Variants in PGBD5 observed in about 807,000 individuals in gnomAD.
PGBD5 encodes the protein piggyBac transposable element-derived protein 5.
In PGBD5, 14 loss-of-function variants were observed where a neutral mutation model predicts 47.9. That is an observed-to-expected ratio of 0.29 (90% CI 0.19 to 0.46). The LOEUF is 0.46. PGBD5 is among the 20% of genes least tolerant of loss of function. The pLI, the probability that PGBD5 is intolerant of heterozygous loss-of-function variation, is 1.00. For synonymous variants in PGBD5, 316 were observed against 306.3 expected, an observed-to-expected ratio of 1.03 and a Z score of -0.33; for missense variants, 635 against 716.0, an observed-to-expected ratio of 0.89 and a Z score of 1.29.
At chr1:230,363,993 T>C (rs1233638156) in intron 1 of PGBD5, among the ~76,000 whole-genome samples, 2 of 152,206 alleles carry the variant, frequency 1.3e-5, no homozygotes, top group Non-Finnish European at 2.9e-5. Flanking sequence ...CCTTCCCCCT[T>C]GTGGCTGAGA....
chr1:230,350,412 G>A (rs1295992142), intron 3 of PGBD5, among the ~76,000 whole-genome samples: 1 of 152,214 alleles, frequency 6.6e-6, no homozygotes, highest in East Asian at 1.9e-4. Context: ...CTGGCTCCAA[G>A]GTCCTATGAC....
intron 1 of PGBD5, among the ~76,000 whole-genome samples, chr1:230,402,452 G>T (rs554187915): frequency 5.3e-5 from 8 of 152,338 alleles, no homozygotes; most frequent in Non-Finnish European, 8.8e-5. Context: ...TATAGACAGG[G>T]TCTTGCTCTG....
chr1:230,334,119 A>G (rs916994292), intron 4 of PGBD5, among the ~76,000 whole-genome samples: 4 of 152,230 alleles, frequency 2.6e-5, no homozygotes, highest in East Asian at 1.9e-4. Context: ...GCACTGGAAG[A>G]AGGACAGTTG....
chr1:230,353,951 A>G (rs1175176908), intron 2 of PGBD5, among the ~76,000 whole-genome samples: 1 of 152,218 alleles, frequency 6.6e-6, no homozygotes, highest in Non-Finnish European at 1.5e-5. Flanking sequence ...GCATAAATGC[A>G]GGAGCCGAGC....
chr1:230,353,869 C>T (rs998553742), intron 2 of PGBD5, among the ~76,000 whole-genome samples: 1 of 152,240 alleles, frequency 6.6e-6, no homozygotes, highest in South Asian at 2.1e-4. Context: ...TTAGAGCCTC[C>T]AGCTTCTCCA....
intron 1 of PGBD5, among the ~76,000 whole-genome samples, chr1:230,379,791 C>T (rs944792098): frequency 2.6e-5 from 4 of 152,386 alleles, no homozygotes; most frequent in Middle Eastern, 3.4e-3. Context: ...CTCTACAGTG[C>T]GAGGTGCTTT....
rs145633144 is a variant in PGBD5, at chr1:230,423,712, T to C, written c.331+1886A>G. Among the ~76,000 whole-genome samples, 1,230 of 152,184 alleles carry C rather than the reference T, an allele frequency of 8.1e-3. 17 individuals are homozygous for C. The highest frequency in any genetic ancestry group is 0.029 in the African/African-American group (1,186 of 41,504). ...CAAAGAGGAAATTCTAAATCAGATG[T>C]GGAGTTAAAAGGCAAGCTCCCACAC... On this transcript the variant is annotated intron_variant, in intron 1 of 6. Transcript: ENST00000391860.
chr1:230,413,790 G>A (rs1322651367), intron 1 of PGBD5, among the ~76,000 whole-genome samples: 5 of 152,100 alleles, frequency 3.3e-5, no homozygotes, highest in Non-Finnish European at 7.4e-5. Flanking sequence ...ACTATCTGTG[G>A]ATCGGCCGTT....
rs1325583591 is a variant in PGBD5 at position 230,332,955 on chromosome 1, G to A, written c.1162C>T (p.Pro388Ser). The A allele has an allele frequency of 3.1e-6, 5 of 1,614,178 alleles. No homozygotes were observed. The highest frequency in any genetic ancestry group is 1.1e-5 in the South Asian group (1 of 91,080). The change falls in exon 5 of 7, where the codon CCG becomes TCG. Residue 388 changes from proline (P) to serine (S), a missense_variant. Coordinates refer to ENST00000391860, the MANE Select transcript of PGBD5 (RefSeq NM_001258311.2). ...TTGATTTGGTACTGGCCCCGGGCCG[G>A]GGGTGTGGCTGGGTTGGTCAGCATG... ...LSMLTNPATP[P>S]ARGQYQIKMK...
chr1:230,325,698 A>T (rs1667105188), intron 5 of PGBD5, among the ~76,000 whole-genome samples: 1 of 152,068 alleles, frequency 6.6e-6, no homozygotes, highest in African/African-American at 2.4e-5. Context: ...GCAGGCCTGA[A>T]GGGGCTCTAA....
At chr1:230,412,387 CTTTTTTT>C (rs34303231) in intron 1 of PGBD5, among the ~76,000 whole-genome samples, 1 of 127,670 alleles carries the variant, frequency 7.8e-6, no homozygotes, top group Admixed American at 8.2e-5. Flanking sequence ...ATCCTAAAGT[CTTTTTTT>C]TTTTTTTTTT....
intron 1 of PGBD5, among the ~76,000 whole-genome samples, chr1:230,358,661 T>G (rs1190768483): frequency 6.6e-6 from 1 of 152,108 alleles, no homozygotes; most frequent in Non-Finnish European, 1.5e-5. Flanking sequence ...ATTATAACAC[T>G]GTATTTTTCC....
chr1:230,417,013 G>T (rs1425728658), intron 1 of PGBD5, among the ~76,000 whole-genome samples: 1 of 152,180 alleles, frequency 6.6e-6, no homozygotes, highest in East Asian at 1.9e-4. Flanking sequence ...AGGATTTGTA[G>T]TTCTAAACTT....
At chr1:230,390,499 C>T (rs1342351061) in intron 1 of PGBD5, among the ~76,000 whole-genome samples, 1 of 152,150 alleles carries the variant, frequency 6.6e-6, no homozygotes, top group Non-Finnish European at 1.5e-5. Flanking sequence ...AGTTGTGTTA[C>T]TGGTGGGCTT....
intron 3 of PGBD5, among the ~76,000 whole-genome samples, chr1:230,342,468 A>G (rs1667419973): frequency 6.6e-6 from 1 of 152,254 alleles, no homozygotes; most frequent in African/African-American, 2.4e-5. Flanking sequence ...ACAGCACAGC[A>G]GTGCACGATC....
intron 1 of PGBD5, among the ~76,000 whole-genome samples, chr1:230,404,925 C>CAA (rs57462323): frequency 0.2 from 13,377 of 65,810 alleles, 1,131 homozygotes; most frequent in Admixed American, 0.37. Flanking sequence ...AACTCCATCT[C>CAA]AAAAAAAAAA....
chr1:230,341,066 C>T (rs1325987836), intron 3 of PGBD5, among the ~76,000 whole-genome samples: 1 of 152,206 alleles, frequency 6.6e-6, no homozygotes, highest in Non-Finnish European at 1.5e-5. Context: ...AAGAAGGATG[C>T]AGCCAAGAAG....
chr1:230,340,365 A>G (rs1377720557), intron 3 of PGBD5, among the ~76,000 whole-genome samples: 1 of 152,194 alleles, frequency 6.6e-6, no homozygotes, highest in Non-Finnish European at 1.5e-5. Context: ...TATACTTTAA[A>G]AAATCATCAT....
chr1:230,359,941 T>A (rs1235084585), intron 1 of PGBD5, among the ~76,000 whole-genome samples: 2 of 152,198 alleles, frequency 1.3e-5, no homozygotes, highest in African/African-American at 4.8e-5. Flanking sequence ...GGCATGACGA[T>A]GAGGCCAGGA....
Sources: allele counts gnomAD v4.1 joint callset (sites outside exome capture counted in the v4.1 genomes callset), GRCh38; gene constraint gnomAD v4.1.1; transcripts MANE v1.5; gene names NCBI Gene and HGNC (gene_info 2026-07-23, HGNC 2026-07-21).